The following PCTP variants were observed in gnomAD, a reference collection of about 807,000 sequenced individuals.
PCTP encodes the protein phosphatidylcholine transfer protein, also known as START domain-containing protein 2.
In PCTP, 27 loss-of-function variants were observed where a neutral mutation model predicts 31.0. The observed-to-expected ratio is 0.87, with a 90% CI of 0.64 to 1.20. The LOEUF is 1.20. Ranked by LOEUF, PCTP falls within the 50% of genes most tolerant of loss-of-function variation. The pLI is 0.00. For synonymous variants in PCTP, 108 were observed against 101.2 expected, an observed-to-expected ratio of 1.07 and a Z score of -0.40; for missense variants, 287 against 268.2, an observed-to-expected ratio of 1.07 and a Z score of -0.49.
At chr17:55,809,894 T>C (rs1316359967) in intron 3 of PCTP, among the ~76,000 whole-genome samples, 5 of 152,236 alleles carry the variant, frequency 3.3e-5, no homozygotes, top group Non-Finnish European at 5.9e-5. Context: ...ACACACCAAG[T>C]ACAGAGTTTA....
Position 55,777,305 on chromosome 17 carries a change from C to T in PCTP, c.*1205C>T, listed in dbSNP as rs2144978745. ...AATGGGATTTATTAATGTGGGATAC[C>T]TCAGACTGTTTGTTTTCTTTCTGGG... On this transcript the variant is annotated 3_prime_UTR_variant, in exon 6 of 6. Coordinates refer to ENST00000268896, the MANE Select transcript of PCTP (RefSeq NM_021213.4). 1.0e-6 allele frequency: 1 copy of T among 984,444 alleles called. No homozygotes were observed. Among genetic ancestry groups the T allele is most frequent in the Non-Finnish European group, 1.2e-6 (1 of 828,778 alleles). 61.0% of individuals were successfully genotyped at this position (984,444 alleles called of 1,614,324 possible). A position where few individuals can be genotyped will look rare whatever the true frequency, so the allele number is the denominator to read the frequency against.
At chr17:55,840,859 A>T (rs1032225898) in intron 5 of PCTP, among the ~76,000 whole-genome samples, 1 of 152,248 alleles carries the variant, frequency 6.6e-6, no homozygotes, top group Non-Finnish European at 1.5e-5. Context: ...AGCATTTTAG[A>T]TTCTGGATTT....
downstream of PCTP, among the ~76,000 whole-genome samples, chr17:55,845,401 C>A (rs544623515): frequency 2.4e-4 from 37 of 152,280 alleles, no homozygotes; most frequent in African/African-American, 8.7e-4. Flanking sequence ...CAGGCCCTAG[C>A]GTCTCTCCAT....
chr17:55,831,236 C>T lies in PCTP; in HGVS notation n.505+8309C>T, dbSNP rs1383877693. ...AATACTCCCAGTCTCAGCTGCTCTCCTAACTCCAGGGTATAATTATCCTTG... is the reference window on the plus strand; with the variant it reads ...AATACTCCCAGTCTCAGCTGCTCTCTTAACTCCAGGGTATAATTATCCTTG... On this transcript the variant is annotated intron_variant and non_coding_transcript_variant, in intron 5 of 5. Coordinates refer to the PCTP transcript ENST00000576221. Among the ~76,000 whole-genome samples, 2 of 152,222 alleles carry T rather than the reference C, an allele frequency of 1.3e-5. 1 individual carries two copies. Among genetic ancestry groups the T allele is most frequent in the East Asian group, 3.8e-4 (2 of 5,200 alleles).
At chr17:55,843,591 T>C (rs534350488), downstream of PCTP, among the ~76,000 whole-genome samples, 1 of 152,350 alleles carries the variant, frequency 6.6e-6, no homozygotes, top group East Asian at 1.9e-4. Context: ...TTCCTCCGCA[T>C]AGTTCTTCTA....
At chr17:55,768,885 A>G (rs552824337) in intron 2 of PCTP, 1 of 152,368 alleles carries the variant, frequency 6.6e-6, no homozygotes, top group Admixed American at 6.5e-5. Context: ...GAAACTAGCC[A>G]AAGGCACATA....
intron 3 of PCTP, among the ~76,000 whole-genome samples, chr17:55,818,108 T>C (rs1409861240): frequency 6.6e-6 from 1 of 152,074 alleles, no homozygotes; most frequent in Non-Finnish European, 1.5e-5. Context: ...CAAGGTTGGG[T>C]CTCAAAGTAA....
chr17:55,826,586 T>C (rs1434463009), downstream of PCTP, among the ~76,000 whole-genome samples: 2 of 152,198 alleles, frequency 1.3e-5, no homozygotes, highest in Non-Finnish European at 2.9e-5. Context: ...TCTGTTGCCT[T>C]GGGATTTGGG....
intron 1 of PCTP, among the ~76,000 whole-genome samples, chr17:55,758,128 C>G (rs1430008386): frequency 6.6e-6 from 1 of 152,192 alleles, no homozygotes; most frequent in African/African-American, 2.4e-5. Context: ...CAGAGGCTCA[C>G]AGCTTCAATT....
chr17:55,768,714 G>C (rs551120066), intron 2 of PCTP: 4 of 152,386 alleles, frequency 2.6e-5, no homozygotes, highest in Admixed American at 2.0e-4. Context: ...TAGGGCAGCT[G>C]TTGGGTCCAG....
chr17:55,784,101 G>A (rs1911663877), intron 2 of PCTP, among the ~76,000 whole-genome samples: 1 of 152,150 alleles, frequency 6.6e-6, no homozygotes, highest in East Asian at 1.9e-4. Flanking sequence ...GAGGGCTGGC[G>A]GGCCACTCAC....
At chr17:55,806,794 G>A (rs1460391837) in intron 3 of PCTP, among the ~76,000 whole-genome samples, 8 of 152,118 alleles carry the variant, frequency 5.3e-5, no homozygotes, top group Admixed American at 3.9e-4. Context: ...ATACAAGATT[G>A]TGTCTTCCAT....
At chr17:55,757,470 A>ACG (rs1400804757) in intron 1 of PCTP, among the ~76,000 whole-genome samples, 1 of 151,282 alleles carries the variant, frequency 6.6e-6, no homozygotes, top group East Asian at 2.0e-4. Context: ...ACACACACAC[A>ACG]CACACGTATG....
intron 5 of PCTP, among the ~76,000 whole-genome samples, chr17:55,842,016 T>C (rs1905998950): frequency 6.6e-6 from 1 of 152,194 alleles, no homozygotes; most frequent in Admixed American, 6.5e-5. Context: ...CCTCCCATAT[T>C]CAGAAAACAT....
At chr17:55,839,101 G>GT (rs1438565191) in intron 5 of PCTP, among the ~76,000 whole-genome samples, 1 of 152,146 alleles carries the variant, frequency 6.6e-6, no homozygotes, top group African/African-American at 2.4e-5. Context: ...TCTTGACTTT[G>GT]TTTTTTCTAT....
At chr17:55,809,360 A>C (rs1912675941) in intron 3 of PCTP, among the ~76,000 whole-genome samples, 1 of 152,184 alleles carries the variant, frequency 6.6e-6, no homozygotes, top group African/African-American at 2.4e-5. Context: ...CCTTAAGGTA[A>C]GCAGATGTCA....
chr17:55,777,208 A>C lies in PCTP; in HGVS notation c.*1108A>C. On this transcript the variant is annotated 3_prime_UTR_variant, in exon 6 of 6. Coordinates refer to ENST00000268896, the MANE Select transcript of PCTP (RefSeq NM_021213.4). ...GGCACAGCCTTGATGATCTCAGGGA[A>C]AAATTTTAATCACTGTGTATAATGA... The C allele has an allele frequency of 1.0e-6, 1 of 985,344 alleles. No individual in the cohort carries two copies. The highest frequency in any genetic ancestry group is 4.7e-5 in the South Asian group (1 of 21,218). The allele number at this position is 985,344 out of a possible 1,614,324, so 61.0% of individuals were successfully genotyped here. A position where few individuals can be genotyped will look rare whatever the true frequency, so the allele number is the denominator to read the frequency against.
chr17:55,826,433 G>A (rs1256681732), downstream of PCTP, among the ~76,000 whole-genome samples: 1 of 150,168 alleles, frequency 6.7e-6, no homozygotes, highest in Non-Finnish European at 1.5e-5. Context: ...CATGCTTCAT[G>A]AGAGTATCCA....
chr17:55,775,199 G>T (rs1911261777), intron 5 of PCTP: 2 of 1,274,904 alleles, frequency 1.6e-6, no homozygotes, highest in Non-Finnish European at 2.0e-6. Context: ...TCTGCTTACT[G>T]GGGAATAAGA....
Sources: gnomAD v4.1 joint callset for allele counts (sites outside exome capture counted in the v4.1 genomes callset) on GRCh38, gnomAD v4.1.1 for gene constraint, MANE v1.5 for transcripts, NCBI Gene and HGNC (gene_info 2026-07-23, HGNC 2026-07-21) for gene names.